Variants in MROH1 observed in about 807,000 individuals in gnomAD.
MROH1 encodes the protein maestro heat-like repeat-containing protein family member 1.
Under a neutral mutation model 116.5 loss-of-function variants are expected in MROH1, and 117 were observed. That is an observed-to-expected ratio of 1.00 (90% CI 0.86 to 1.17). The LOEUF (loss-of-function observed/expected upper bound fraction) is 1.17. Among genes scored for constraint, MROH1 ranks in the 50% most tolerant of loss-of-function variants. The pLI is 0.00. For synonymous variants in MROH1, 921 were observed against 583.9 expected, an observed-to-expected ratio of 1.58 and a Z score of -8.32; for missense variants, 1,873 against 1,338.5, an observed-to-expected ratio of 1.40 and a Z score of -6.23.
chr8:144,226,705 G>A (rs1404739248), intron 14 of MROH1, among the ~76,000 whole-genome samples: 4 of 152,086 alleles, frequency 2.6e-5, no homozygotes, highest in Non-Finnish European at 5.9e-5. Flanking sequence ...CACCCGCCTC[G>A]GCCTCCCAAA....
rs978430544 is a variant in MROH1, at chr8:144,244,145, A to G, written c.2556-77A>G. ...AAACATGGCAGTGGCTGTGCTGCCC[A>G]CACAGGCCTGGAGGTTACTGGGTGT... On this transcript the variant is annotated intron_variant, in intron 26 of 43. Coordinates refer to ENST00000326134, the MANE Select transcript of MROH1 (RefSeq NM_032450.3). The G allele has an allele frequency of 4.8e-3, 3,386 of 705,982 alleles. 55 individuals carry two copies. Among genetic ancestry groups the G allele is most frequent in the African/African-American group, 0.047 (2,662 of 57,218 alleles). 43.7% of individuals were successfully genotyped at this position (705,982 alleles called of 1,614,324 possible). A position where few individuals can be genotyped will look rare whatever the true frequency, so the allele number is the denominator to read the frequency against.
chr8:144,156,183 G>A (rs955485985), intron 1 of MROH1, among the ~76,000 whole-genome samples: 7 of 149,890 alleles, frequency 4.7e-5, no homozygotes, highest in Non-Finnish European at 1.0e-4. Context: ...GTTGTGGTGA[G>A]CCGAGACTGC....
intron 21 of MROH1, 117 bp from the exon 22 acceptor site, chr8:144,241,278 G>T: frequency 1.4e-6 from 1 of 695,268 alleles, no homozygotes; most frequent in Non-Finnish European, 2.7e-6. Context: ...GTTGATGTGT[G>T]TGCAAGTGTG....
At chr8:144,257,567 T>G (rs1436722988) in intron 35 of MROH1, among the ~76,000 whole-genome samples, 1 of 152,202 alleles carries the variant, frequency 6.6e-6, no homozygotes, top group Admixed American at 6.5e-5. Flanking sequence ...CAAGCTTGTC[T>G]CATGCTCCTG....
intron 14 of MROH1, among the ~76,000 whole-genome samples, chr8:144,234,553 G>C (rs1376439670): frequency 1.5e-5 from 1 of 67,980 alleles, no homozygotes; most frequent in Non-Finnish European, 2.9e-5. Flanking sequence ...GTCTTGCTCT[G>C]TCTCCCAGGC....
chr8:144,240,282 G>T, intron 19 of MROH1, 129 bp downstream of exon 19: 1 of 637,562 alleles, frequency 1.6e-6, no homozygotes, highest in Admixed American at 2.6e-5. Context: ...CAAGGATCAG[G>T]CAGCATCAAG....
chr8:144,261,402 A>T, intron 43 of MROH1, 53 bp downstream of exon 43: 1 of 700,350 alleles, frequency 1.4e-6, no homozygotes. Context: ...CCCTGTAGGC[A>T]CCCGCAGGGA....
At chr8:144,155,807 A>G (rs1817904105) in intron 1 of MROH1, among the ~76,000 whole-genome samples, 1 of 151,356 alleles carries the variant, frequency 6.6e-6, no homozygotes, top group African/African-American at 2.4e-5. Flanking sequence ...TAATTTTTGT[A>G]TTTTTAGTAG....
intron 10 of MROH1, among the ~76,000 whole-genome samples, chr8:144,197,417 C>CCTTTTTTTT (rs1830151278): frequency 2.4e-5 from 1 of 42,458 alleles, no homozygotes; most frequent in Non-Finnish European, 3.7e-5. Context: ...GCTGCAGCAT[C>CCTTTTTTTT]TTTTTTTTTT....
chr8:144,200,571 A>G, intron 12 of MROH1, 30 bp downstream of exon 12: 1 of 1,468,990 alleles, frequency 6.8e-7, no homozygotes, highest in Non-Finnish European at 9.3e-7. Context: ...CCTGGCCGCC[A>G]CCCCTGGCCA....
chr8:144,245,537 C>T (rs1297824811), intron 29 of MROH1, among the ~76,000 whole-genome samples: 1 of 152,162 alleles, frequency 6.6e-6, no homozygotes, highest in African/African-American at 2.4e-5. Context: ...ATTTGGTTGG[C>T]GATATTTTTA....
chr8:144,189,253 C>T (rs1035919269), intron 7 of MROH1, among the ~76,000 whole-genome samples: 8 of 152,232 alleles, frequency 5.3e-5, no homozygotes, highest in South Asian at 2.1e-4. Context: ...CCTCCCCGTG[C>T]GGTGGGTGCA....
intron 4 of MROH1, chr8:144,175,205 A>G: frequency 1.0e-6 from 1 of 969,882 alleles, no homozygotes. Context: ...AGTGGGTATA[A>G]ATGCCCTGCT....
chr8:144,188,827 C>A (rs1447450182), intron 7 of MROH1, among the ~76,000 whole-genome samples: 1 of 152,112 alleles, frequency 6.6e-6, no homozygotes, highest in Non-Finnish European at 1.5e-5. Flanking sequence ...TCGTCCCAGG[C>A]CATACACCTG....
chr8:144,231,710 A>G (rs1838921677), intron 14 of MROH1, among the ~76,000 whole-genome samples: 2 of 152,230 alleles, frequency 1.3e-5, no homozygotes, highest in African/African-American at 4.8e-5. Context: ...AAATATTCCA[A>G]GAATGAGCAA....
At chr8:144,199,944 G>C (rs1398694248) in intron 11 of MROH1, among the ~76,000 whole-genome samples, 1 of 152,198 alleles carries the variant, frequency 6.6e-6, no homozygotes, top group African/African-American at 2.4e-5. Context: ...ACCTGGAATG[G>C]GGATGGCTCT....
At chr8:144,210,062 A>G (rs1588194795) in intron 12 of MROH1, among the ~76,000 whole-genome samples, 1 of 151,620 alleles carries the variant, frequency 6.6e-6, no homozygotes, top group South Asian at 2.1e-4. Flanking sequence ...TATTCCAGTC[A>G]CAGTTCTTCA....
In MROH1 at chr8:144,233,298, C is replaced by T. The variant is rs1839292930; in HGVS notation, c.1339-5458C>T. Among the ~76,000 whole-genome samples, 3 of 151,856 alleles carry T rather than the reference C, an allele frequency of 2.0e-5. No homozygotes were observed. In the South Asian group the frequency reaches 6.2e-4, roughly 32 times the overall value. On this transcript the variant is annotated intron_variant, in intron 14 of 43. Coordinates refer to ENST00000326134, the MANE Select transcript of MROH1 (RefSeq NM_032450.3). ...TTGTCCATGTTCCCAAACAGAAACT[C>T]TGTCCTCATTAAATGCTAACTCCCA...
In MROH1 at chr8:144,163,915, G is replaced by C. The variant is rs983604384; in HGVS notation, c.22+67G>C. 1 of 1,567,868 alleles carries C rather than the reference G, an allele frequency of 6.4e-7. No individual in the cohort carries two copies. The highest frequency in any genetic ancestry group is 1.7e-5 in the Admixed American group (1 of 58,468). On this transcript the variant is annotated intron_variant, in intron 3 of 43. Transcript: ENST00000326134. This position sits in a 1 kb window ranked among gnomAD's most constrained non-coding sequence, Gnocchi z 4.4. Reference sequence around the variant, plus strand: ...TCTTGCCTCTGGGTGGTCAGGGCAGGCCAAGGCTCTTACCAGCTCCAATGG... The same window carrying C: ...TCTTGCCTCTGGGTGGTCAGGGCAGCCCAAGGCTCTTACCAGCTCCAATGG...
Sources: gnomAD v4.1 joint callset for allele counts (sites outside exome capture counted in the v4.1 genomes callset) on GRCh38, gnomAD v4.1.1 for gene constraint, Gnocchi (gnomAD v3.1) non-coding constraint, MANE v1.5 for transcripts, NCBI Gene and HGNC (gene_info 2026-07-23, HGNC 2026-07-21) for gene names.